Variants in KAT6A observed in about 807,000 individuals in gnomAD.
KAT6A encodes histone acetyltransferase KAT6A.
In KAT6A, 9 loss-of-function variants were observed where a neutral mutation model predicts 198.4. That is an observed-to-expected ratio of 0.05 (90% CI 0.03 to 0.08). The LOEUF (loss-of-function observed/expected upper bound fraction) is 0.08. Among genes scored for constraint, KAT6A ranks in the 10% least tolerant of loss-of-function variants. The probability of loss-of-function intolerance (pLI) is 1.00; values close to 1 mark genes in which losing one functional copy is unlikely to be tolerated. For missense variants in KAT6A, 2,077 were observed against 2,509.9 expected, an observed-to-expected ratio of 0.83 and a Z score of 3.69; for synonymous variants, 890 against 883.0, an observed-to-expected ratio of 1.01 and a Z score of -0.14.
At position 41,970,163 on chromosome 8, in the gene KAT6A, T is replaced by C. The variant is rs900679967; in HGVS notation, c.1482+4541A>G. 4.6e-5 allele frequency among the ~76,000 whole-genome samples: 7 copies of C among 152,328 alleles called. No individual in the cohort carries two copies. In the East Asian group the frequency reaches 5.8e-4, roughly 13 times the overall value. On this transcript the variant is annotated intron_variant, in intron 8 of 16. Transcript: ENST00000265713. ...AGAGTCTGTGTCTTTTTGTTTGCCC[T>C]ATAGTTCTGGTACCAAGGCAGGTGC...
rs553891505 is a variant in KAT6A, at chr8:42,042,736, A to G, written c.600+5642T>C. Among the ~76,000 whole-genome samples, 48 of 152,346 alleles carry G rather than the reference A, an allele frequency of 3.2e-4. No homozygotes were observed. The South Asian group carries it at 9.3e-3, about 30-fold the overall frequency. ...GTCCAACTGAACGCTTTAGCAAATT[A>G]TAATTCTGTTCCAAAATACTATGCC... On this transcript the variant is annotated intron_variant, in intron 2 of 16. Transcript: ENST00000265713.
chr8:41,972,384 A>G (rs945705447), intron 8 of KAT6A, among the ~76,000 whole-genome samples: 1 of 152,234 alleles, frequency 6.6e-6, no homozygotes, highest in Non-Finnish European at 1.5e-5. Flanking sequence ...TCTGTCTCAA[A>G]GTATGTCCCC....
Position 41,974,755 on chromosome 8 carries a change from C to A in KAT6A, c.1431G>T (p.Met477Ile). The change falls in exon 8 of 17, where the codon ATG (methionine) becomes ATT (isoleucine). Residue 477 changes from methionine to isoleucine, a missense_variant. This residue lies in a region of KAT6A where 206 missense variants were observed against 214.9 expected (regional missense o/e 0.96). Coordinates refer to ENST00000265713, the MANE Select transcript of KAT6A (RefSeq NM_006766.5). ...EERLFGSQEI[M>I]TEKDMELFRD... is the part of the protein sequence containing the mutation. ...GAAATAATTCCATATCTTTCTCAGT[C>A]ATGATTTCCTGGCTCCCAAAAAGTC... The A allele has an allele frequency of 6.2e-7, 1 of 1,610,640 alleles. No individual in the cohort carries two copies. Among genetic ancestry groups the A allele is most frequent in the African/African-American group, 1.3e-5 (1 of 74,866 alleles).
intron 2 of KAT6A, among the ~76,000 whole-genome samples, chr8:42,028,594 C>T (rs1826958658): frequency 6.6e-6 from 1 of 152,074 alleles, no homozygotes. Flanking sequence ...TATCTTGTTC[C>T]ATCCCTTCAC....
At chr8:41,981,789 A>G (rs777934886) in intron 4 of KAT6A, 50 bp downstream of exon 4, 1 of 1,112,810 alleles carries the variant, frequency 9.0e-7, no homozygotes, top group Non-Finnish European at 1.4e-6. Flanking sequence ...TGCTGGTCGT[A>G]CATTCTACTA....
intron 6 of KAT6A, among the ~76,000 whole-genome samples, chr8:41,977,921 G>A (rs559779743): frequency 1.9e-4 from 29 of 152,250 alleles, no homozygotes; most frequent in African/African-American, 7.0e-4. Context: ...ATAGTCTTAC[G>A]TGTAAAAAAA....
chr8:41,984,409 G>A (rs962259259), intron 3 of KAT6A, among the ~76,000 whole-genome samples: 1 of 152,130 alleles, frequency 6.6e-6, no homozygotes, highest in African/African-American at 2.4e-5. Flanking sequence ...GAAGCTTCTT[G>A]TCGACAAGCC....
At chr8:41,986,151 G>A (rs1256930100) in intron 3 of KAT6A, among the ~76,000 whole-genome samples, 5 of 152,174 alleles carry the variant, frequency 3.3e-5, no homozygotes, top group Admixed American at 6.5e-5. Flanking sequence ...ATGTTGGCCA[G>A]GATGGTCTCG....
chr8:42,016,986 A>G (rs1826303281), intron 2 of KAT6A, among the ~76,000 whole-genome samples: 1 of 152,170 alleles, frequency 6.6e-6, no homozygotes, highest in Non-Finnish European at 1.5e-5. Context: ...CACTACTTCA[A>G]TAAAAAGATA....
chr8:41,966,323 T>G (rs531489827), intron 8 of KAT6A, among the ~76,000 whole-genome samples: 36 of 152,144 alleles, frequency 2.4e-4, no homozygotes, highest in Non-Finnish European at 4.1e-4. Flanking sequence ...CGGTGCAAAT[T>G]TTATCATCTC....
rs753221620 is a variant in KAT6A, at chr8:41,934,023, G to A, written c.4197C>T (p.Asp1399=). Residue 1399 remains aspartate (D), a synonymous_variant, in exon 17 of 17, where the codon GAC becomes GAT. Coordinates refer to ENST00000265713, the MANE Select transcript of KAT6A (RefSeq NM_006766.5). ...CGATTAACTCTTCCTTAGTGTGGGA[G>A]TCTTCTTCGTGGTCGTCCTCAGACC... is the stretch of plus-strand genomic sequence containing the variant. The part of the protein sequence containing the change: ...MAGSEDDHEE[D]SHTKEELIEL... 1 of 1,614,098 alleles carries A rather than the reference G, an allele frequency of 6.2e-7. No individual in the cohort carries two copies. Among genetic ancestry groups the A allele is most frequent in the African/African-American group, 1.3e-5 (1 of 75,030 alleles).
In KAT6A at chr8:41,958,942, G is replaced by A. The variant is rs180713083; in HGVS notation, c.1483-3531C>T. On this transcript the variant is annotated intron_variant, in intron 8 of 16. Coordinates refer to ENST00000265713, the MANE Select transcript of KAT6A (RefSeq NM_006766.5). Reference sequence around the variant, plus strand: ...TGGGAGGCTGAGGTGGGCGGATCACGAGGTCAGGAGATCGAGACCATCCTG... The same window carrying A: ...TGGGAGGCTGAGGTGGGCGGATCACAAGGTCAGGAGATCGAGACCATCCTG... Among the ~76,000 whole-genome samples, 1,406 of 152,158 alleles carry A rather than the reference G, an allele frequency of 9.2e-3. 82 individuals are homozygous for A. The highest frequency in any genetic ancestry group is 0.082 in the Admixed American group (1,261 of 15,286).
At chr8:41,961,305 G>A (rs1823192306) in intron 8 of KAT6A, among the ~76,000 whole-genome samples, 1 of 152,178 alleles carries the variant, frequency 6.6e-6, no homozygotes, top group South Asian at 2.1e-4. Context: ...CTAAGCCCAC[G>A]GCTTCCGTTT....
chr8:42,051,471 G>C (rs961888584), intron 1 of KAT6A, among the ~76,000 whole-genome samples: 1 of 147,766 alleles, frequency 6.8e-6, no homozygotes, highest in African/African-American at 2.4e-5. Flanking sequence ...CGGCACAGCC[G>C]GCACGCGCGC....
At chr8:42,020,101 T>C (rs1379482018) in intron 2 of KAT6A, among the ~76,000 whole-genome samples, 1 of 152,196 alleles carries the variant, frequency 6.6e-6, no homozygotes, top group Non-Finnish European at 1.5e-5. Context: ...TCATATCTTA[T>C]AAGTGAAGAG....
chr8:42,017,786 T>G (rs539990340), intron 2 of KAT6A, among the ~76,000 whole-genome samples: 1 of 152,158 alleles, frequency 6.6e-6, no homozygotes, highest in Non-Finnish European at 1.5e-5. Flanking sequence ...ATTTTAGAGA[T>G]AGCACTCAGA....
rs747120706 is a variant in KAT6A at position 41,946,489 on chromosome 8, TATATACACACAC to T, written c.1996+90_1996+101del. 2.5e-3 allele frequency: 1,129 copies of T among 453,720 alleles called. 12 individuals carry two copies. The highest frequency in any genetic ancestry group is 0.018 in the African/African-American group (556 of 31,334). The allele number at this position is 453,720 out of a possible 1,614,324, so 28.1% of individuals were successfully genotyped here. On this transcript the variant is annotated intron_variant, in intron 12 of 16. Transcript: ENST00000265713. ...GCACCTACAAATCTTTAAATATATA[TATATACACACAC>T]ACACACACACACACACACACACACA... is the stretch of plus-strand genomic sequence containing the variant.
At chr8:41,958,089 G>C (rs1047119250) in intron 8 of KAT6A, 1 of 152,204 alleles carries the variant, frequency 6.6e-6, no homozygotes. Flanking sequence ...GGGGAGAAGA[G>C]ATGGCTTTCT....
chr8:41,947,137 C>T lies in KAT6A; in HGVS notation c.1903-453G>A, dbSNP rs186132010. Among the ~76,000 whole-genome samples the T allele has an allele frequency of 4.6e-3, 693 of 152,302 alleles. 3 individuals carry two copies. Among genetic ancestry groups the T allele is most frequent in the Middle Eastern group, 0.02 (6 of 294 alleles). ...TATCTAACTTTACACAAAATAGTCA[C>T]TTTTATAATTTTATAAATGAGTGAA... On this transcript the variant is annotated intron_variant, in intron 11 of 16. Transcript: ENST00000265713.
Sources: gnomAD v4.1 joint callset for allele counts (sites outside exome capture counted in the v4.1 genomes callset) on GRCh38, gnomAD v4.1.1 for gene constraint, gnomAD v4.1.1 regional missense constraint, MANE v1.5 for transcripts, NCBI Gene and HGNC (gene_info 2026-07-23, HGNC 2026-07-21) for gene names.